The following GTF2E1 variants were observed in gnomAD, a reference collection of about 807,000 sequenced individuals.
The protein encoded by GTF2E1 is TFIIE alpha subunit.
A neutral mutation model predicts 34.9 loss-of-function variants in GTF2E1; 14 were observed. The ratio of observed to expected loss-of-function variants is 0.40; its 90% confidence interval spans 0.27 to 0.63. The LOEUF (loss-of-function observed/expected upper bound fraction) is 0.63. GTF2E1 is among the 20% of genes least tolerant of loss of function. The probability of loss-of-function intolerance (pLI) is 0.39; values close to 1 mark genes in which losing one functional copy is unlikely to be tolerated. For missense variants in GTF2E1, 469 were observed against 557.7 expected (o/e 0.84, Z 1.60); for synonymous variants, 188 against 192.9 (o/e 0.97, Z 0.21).
intron 2 of GTF2E1, among the ~76,000 whole-genome samples, chr3:120,756,469 AG>A (rs1251957974): frequency 1.4e-5 from 2 of 141,970 alleles, no homozygotes; most frequent in South Asian, 2.6e-4. Flanking sequence ...GGGGGGAGTA[AG>A]GGGGGGAAAT....
intron 2 of GTF2E1, among the ~76,000 whole-genome samples, chr3:120,760,434 T>C (rs1445015477): frequency 6.6e-6 from 1 of 152,238 alleles, no homozygotes; most frequent in African/African-American, 2.4e-5. Flanking sequence ...TTCTCTTGCC[T>C]GATTGCCCTG....
rs1451082316 is a variant in GTF2E1 at position 120,748,167 on chromosome 3, A to T, written c.-30-2356A>T. On this transcript the variant is annotated intron_variant, in intron 1 of 4. Coordinates refer to ENST00000283875, the MANE Select transcript of GTF2E1 (RefSeq NM_005513.3). ...GGTTATTAGCCCTTTGTCAGATGAA[A>T]AGGTTGCAAAAATTTTCTCCCATTC... 7.8e-4 allele frequency among the ~76,000 whole-genome samples: 119 copies of T among 152,048 alleles called. 1 individual carries two copies. Among genetic ancestry groups the T allele is most frequent in the African/African-American group, 2.8e-3 (115 of 41,454 alleles).
intron 2 of GTF2E1, among the ~76,000 whole-genome samples, chr3:120,769,998 G>A (rs1297614683): frequency 1.3e-5 from 2 of 152,146 alleles, no homozygotes; most frequent in Non-Finnish European, 2.9e-5. Context: ...TCACTTGGTT[G>A]TTTGTTCTTT....
intron 1 of GTF2E1, among the ~76,000 whole-genome samples, chr3:120,745,528 T>A (rs1559828383): frequency 6.6e-6 from 1 of 152,174 alleles, no homozygotes; most frequent in East Asian, 1.9e-4. Context: ...CCAGACCACC[T>A]GAGACAAAAC....
chr3:120,764,633 T>C (rs1361433667), intron 2 of GTF2E1, among the ~76,000 whole-genome samples: 1 of 152,198 alleles, frequency 6.6e-6, no homozygotes, highest in Admixed American at 6.5e-5. Context: ...GAGAAAAATA[T>C]AATGCTAAGT....
chr3:120,766,210 A>G (rs1197653805), intron 2 of GTF2E1, among the ~76,000 whole-genome samples: 1 of 152,202 alleles, frequency 6.6e-6, no homozygotes, highest in Non-Finnish European at 1.5e-5. Context: ...CTCTGGGATC[A>G]GCATTTGTGG....
intron 2 of GTF2E1, among the ~76,000 whole-genome samples, chr3:120,761,594 G>T (rs1487253583): frequency 2.0e-5 from 3 of 152,134 alleles, no homozygotes; most frequent in Non-Finnish European, 4.4e-5. Flanking sequence ...TGCTTTAAAT[G>T]TATCCCAGAG....
chr3:120,744,520 G>A (rs1227788292), intron 1 of GTF2E1, among the ~76,000 whole-genome samples: 2 of 152,148 alleles, frequency 1.3e-5, no homozygotes, highest in Non-Finnish European at 2.9e-5. Context: ...CCTGCTCCTC[G>A]TCAGGGGTCA....
At position 120,753,167 on chromosome 3, in the gene GTF2E1, TAC is replaced by T. The variant is rs201386551; in HGVS notation, c.448+2169_448+2170del. ...ATACCCAACAACTTCCTTTGGTCTG[TAC>T]ATTCCTTTTAGAAATCTTTGTGTTT... On this transcript the variant is annotated intron_variant, in intron 2 of 4. Transcript: ENST00000283875. Among the ~76,000 whole-genome samples, 156 of 152,288 alleles carry T rather than the reference TAC, an allele frequency of 1.0e-3. No homozygotes were observed. In the East Asian group the frequency reaches 0.03, roughly 29 times the overall value.
At chr3:120,777,668 A>G (rs569695606) in intron 4 of GTF2E1, among the ~76,000 whole-genome samples, 1 of 152,320 alleles carries the variant, frequency 6.6e-6, no homozygotes, top group African/African-American at 2.4e-5. Context: ...ATTAATTTTA[A>G]TAAGAAAAGG....
At position 120,781,315 on chromosome 3, in the gene GTF2E1, G is replaced by A; in HGVS notation, c.1165G>A (p.Glu389Lys). The change falls in exon 5 of 5, where the codon GAA (glutamate) becomes AAA (lysine). Residue 389 changes from glutamate to lysine, a missense_variant. By Grantham distance (56) the Glu-to-Lys change is moderately conservative (BLOSUM62 1). Coordinates refer to ENST00000283875, the MANE Select transcript of GTF2E1 (RefSeq NM_005513.3). Reference protein sequence around the residue: ...EDEEEDDEFEEVADDPIVMVA... With the variant: ...EDEEEDDEFEKVADDPIVMVA... ...TGAAGAGGAAGATGACGAGTTTGAA[G>A]AAGTAGCAGATGACCCCATTGTCAT... The A allele has an allele frequency of 6.2e-7, 1 of 1,614,186 alleles. No individual in the cohort carries two copies. The highest frequency in any genetic ancestry group is 8.5e-7 in the Non-Finnish European group (1 of 1,180,040).
At chr3:120,761,256 G>A (rs866029280) in intron 2 of GTF2E1, among the ~76,000 whole-genome samples, 18 of 152,152 alleles carry the variant, frequency 1.2e-4, no homozygotes, top group African/African-American at 4.3e-4. Context: ...CTGTGGGATC[G>A]GTGGTGATAT....
At chr3:120,758,296 A>G (rs1013397312) in intron 2 of GTF2E1, among the ~76,000 whole-genome samples, 2 of 152,176 alleles carry the variant, frequency 1.3e-5, no homozygotes, top group Admixed American at 6.5e-5. Context: ...TTTCTCTGTC[A>G]TAACAGAGAA....
chr3:120,745,026 A>T (rs1317043953), intron 1 of GTF2E1, among the ~76,000 whole-genome samples: 1 of 151,716 alleles, frequency 6.6e-6, no homozygotes, highest in African/African-American at 2.4e-5. Flanking sequence ...CAATTGATCC[A>T]CCTCAGCTGG....
chr3:120,753,942 A>G (rs1209445880), intron 2 of GTF2E1, among the ~76,000 whole-genome samples: 1 of 152,252 alleles, frequency 6.6e-6, no homozygotes, highest in Non-Finnish European at 1.5e-5. Context: ...AGGTGAAACC[A>G]GGTTTTAAGT....
At chr3:120,753,066 AT>A (rs1709179193) in intron 2 of GTF2E1, among the ~76,000 whole-genome samples, 1 of 151,384 alleles carries the variant, frequency 6.6e-6, no homozygotes, top group African/African-American at 2.4e-5. Flanking sequence ...AAATGTGCTG[AT>A]TAGGTGATAT....
At chr3:120,764,406 C>T (rs1709289938) in intron 2 of GTF2E1, among the ~76,000 whole-genome samples, 1 of 152,172 alleles carries the variant, frequency 6.6e-6, no homozygotes, top group South Asian at 2.1e-4. Flanking sequence ...GTTTCCTTGG[C>T]CAGCCTTGAG....
chr3:120,781,187 T>G lies in GTF2E1; in HGVS notation c.1037T>G (p.Val346Gly), dbSNP rs762372862. Residue 346 changes from valine (V) to glycine (G), a missense_variant, in exon 5 of 5, where the codon GTG (valine) becomes GGG (glycine). Physicochemically the swap from Val to Gly is moderately radical, Grantham distance 109. Transcript: ENST00000283875. ...MAGSVGAAAP[V>G]TAANGSDSES... The stretch of plus-strand genomic sequence containing the variant: ...GGTTCAGTGGGGGCAGCTGCTCCAG[T>G]GACCGCTGCCAATGGCAGTGACTCA... 1.5e-5 allele frequency: 25 copies of G among 1,614,028 alleles called. No homozygotes were observed. The highest frequency in any genetic ancestry group is 2.1e-5 in the Non-Finnish European group (25 of 1,180,022).
chr3:120,774,185 T>G (rs981829717), intron 3 of GTF2E1, among the ~76,000 whole-genome samples: 40 of 152,118 alleles, frequency 2.6e-4, no homozygotes, highest in Admixed American at 2.5e-3. Context: ...TTTAGCTAAC[T>G]CAGGGAGAAA....
Sources: gnomAD v4.1 joint callset for allele counts (sites outside exome capture counted in the v4.1 genomes callset) on GRCh38, gnomAD v4.1.1 for gene constraint, MANE v1.5 for transcripts, NCBI Gene and HGNC (gene_info 2026-07-23, HGNC 2026-07-21) for gene names.